DMD: variants seen among roughly 807,000 people sequenced by gnomAD.
The protein encoded by DMD is dystrophin, also known as mutant dystrophin.
DMD carries 63 observed loss-of-function variants against 330.1 expected under a neutral mutation model. That is an observed-to-expected ratio of 0.19 (90% CI 0.16 to 0.24). The LOEUF is 0.24. Among genes scored for constraint, DMD ranks in the 10% least tolerant of loss-of-function variants. The probability of loss-of-function intolerance (pLI) is 1.00; values close to 1 mark genes in which losing one functional copy is unlikely to be tolerated. For synonymous variants in DMD, 1,223 were observed against 959.8 expected, an observed-to-expected ratio of 1.27 and a Z score of -5.07; for missense variants, 3,344 against 2,684.1, an observed-to-expected ratio of 1.25 and a Z score of -5.43.
At chrX:32,363,068 AAG>A (rs1033153585) in intron 36 of DMD, 110 bp from the exon 37 acceptor site, 430 of 743,157 alleles carry the variant, frequency 5.8e-4, no homozygotes, top group Non-Finnish European at 7.5e-4. Context: ...AAGAGTGAGA[AAG>A]AGAGAGAGAG....
chrX:32,805,231 G>A (rs2076866196), intron 7 of DMD, among the ~76,000 whole-genome samples: 2 of 111,829 alleles, frequency 1.8e-5, no homozygotes, highest in African/African-American at 6.5e-5. Context: ...GGTTAGAGGA[G>A]TTGCTAACTA....
At position 32,957,796 on chromosome X, in the gene DMD, A is replaced by T. The variant is rs141553498; in HGVS notation, c.93+62343T>A. Among the ~76,000 whole-genome samples the T allele has an allele frequency of 4.5e-3, 505 of 111,765 alleles. 11 individuals are homozygous for T. In the East Asian group the frequency reaches 0.075, roughly 16 times the overall value. On this transcript the variant is annotated intron_variant, in intron 2 of 78. Transcript: ENST00000357033. ...GGTAAAAATAAGCACTTCAGAAAGAAAACTGATTTTCCACAGAAGAAAAAA... is the reference window on the plus strand; with the variant it reads ...GGTAAAAATAAGCACTTCAGAAAGATAACTGATTTTCCACAGAAGAAAAAA...
At chrX:32,981,122 A>C (rs17338947) in intron 2 of DMD, among the ~76,000 whole-genome samples, 9,155 of 111,468 alleles carry the variant, frequency 0.082, 345 homozygotes, top group East Asian at 0.17. Context: ...TTCTCTCCAC[A>C]ATTGGATATT....
At chrX:31,730,618 A>G (rs1027706483) in intron 51 of DMD, among the ~76,000 whole-genome samples, 6 of 111,380 alleles carry the variant, frequency 5.4e-5, no homozygotes, top group African/African-American at 2.0e-4. Context: ...TCTCAGAGGT[A>G]TTTATGAAGA....
chrX:32,146,730 T>C, intron 44 of DMD, among the ~76,000 whole-genome samples: 3 of 112,300 alleles, frequency 2.7e-5, no homozygotes, highest in Middle Eastern at 4.6e-3. Context: ...AGAGCAATCA[T>C]CCATTAAGCA....
intron 9 of DMD, among the ~76,000 whole-genome samples, chrX:32,656,910 T>G (rs2060615110): frequency 9.0e-6 from 1 of 111,619 alleles, no homozygotes; most frequent in Admixed American, 9.6e-5. Context: ...CATAAAATAT[T>G]CATAGTTTCA....
chrX:31,529,966 T>TC (rs1254958710), intron 55 of DMD, among the ~76,000 whole-genome samples: 1 of 111,133 alleles, frequency 9.0e-6, no homozygotes. Context: ...GCCATATCCC[T>TC]CTTAGCAAAT....
intron 1 of DMD, among the ~76,000 whole-genome samples, chrX:33,271,161 T>C (rs943587706): frequency 1.8e-5 from 2 of 111,477 alleles, no homozygotes; most frequent in African/African-American, 6.5e-5. Context: ...AAGTTACAGT[T>C]CCAACATTTT....
intron 2 of DMD, among the ~76,000 whole-genome samples, chrX:32,873,472 C>G (rs1328710886): frequency 9.0e-6 from 1 of 111,020 alleles, no homozygotes; most frequent in Non-Finnish European, 1.9e-5. Flanking sequence ...TCCAAGTGTA[C>G]AGAGGACTAC....
intron 7 of DMD, among the ~76,000 whole-genome samples, chrX:32,763,571 A>G (rs774330843): frequency 1.8e-5 from 2 of 111,792 alleles, no homozygotes; most frequent in South Asian, 3.7e-4. Context: ...ATCATGCTCT[A>G]AACACCACTA....
chrX:31,349,852 C>T (rs984152211), intron 60 of DMD, among the ~76,000 whole-genome samples: 3 of 111,387 alleles, frequency 2.7e-5, no homozygotes, highest in Non-Finnish European at 3.8e-5. Flanking sequence ...GGGGTAGTTC[C>T]CGTGGTGTGC....
At chrX:32,314,202 T>C (rs1442577916) in intron 41 of DMD, among the ~76,000 whole-genome samples, 3 of 111,662 alleles carry the variant, frequency 2.7e-5, no homozygotes, top group African/African-American at 6.5e-5. Flanking sequence ...AACAGATATA[T>C]AGACCAACGG....
chrX:31,146,215 C>T, intron 76 of DMD, 76 bp downstream of exon 76: 1 of 1,125,419 alleles, frequency 8.9e-7, no homozygotes, highest in South Asian at 1.8e-5. Context: ...ACACTTACGG[C>T]CAAATATTCA....
intron 2 of DMD, among the ~76,000 whole-genome samples, chrX:32,965,594 CAG>C (rs1471966941): frequency 5.5e-5 from 6 of 109,366 alleles, no homozygotes; most frequent in Non-Finnish European, 1.1e-4. Flanking sequence ...TGCCTCAAAA[CAG>C]AGAATAGGAA....
chrX:32,882,536 A>G (rs1175599022), intron 2 of DMD, among the ~76,000 whole-genome samples: 1 of 112,150 alleles, frequency 8.9e-6, no homozygotes, highest in Non-Finnish European at 1.9e-5. Context: ...CAAAGACCAC[A>G]TATTATATTC....
intron 47 of DMD, among the ~76,000 whole-genome samples, chrX:31,903,722 T>C (rs1270535085): frequency 8.9e-6 from 1 of 112,343 alleles, no homozygotes; most frequent in Non-Finnish European, 1.9e-5. Flanking sequence ...GCTCTACCTT[T>C]GCTGTATTTT....
At chrX:32,303,528 C>T (rs1432414964) in intron 42 of DMD, among the ~76,000 whole-genome samples, 1 of 110,972 alleles carries the variant, frequency 9.0e-6, no homozygotes, top group African/African-American at 3.3e-5. Context: ...AAACTCTAGG[C>T]ACTATTGTCG....
At chrX:31,774,905 T>A (rs1399016073) in intron 50 of DMD, among the ~76,000 whole-genome samples, 1 of 111,852 alleles carries the variant, frequency 8.9e-6, no homozygotes, top group Non-Finnish European at 1.9e-5. Context: ...ATATGAATAG[T>A]GTTGGACACT....
intron 60 of DMD, among the ~76,000 whole-genome samples, chrX:31,395,913 A>T (rs1024038360): frequency 3.6e-5 from 4 of 112,196 alleles, no homozygotes; most frequent in Non-Finnish European, 5.6e-5. Context: ...TAAACAATGA[A>T]GAATTTATGG....
Sources: allele counts gnomAD v4.1 joint callset (sites outside exome capture counted in the v4.1 genomes callset), GRCh38; gene constraint gnomAD v4.1.1; transcripts MANE v1.5; gene names NCBI Gene and HGNC (gene_info 2026-07-23, HGNC 2026-07-21).